The following LONRF3 variants were observed in gnomAD, a reference collection of about 807,000 sequenced individuals.
LONRF3 encodes the protein LON peptidase N-terminal domain and ring finger 3.
Under a neutral mutation model 51.7 loss-of-function variants are expected in LONRF3, and 19 were observed. That is an observed-to-expected ratio of 0.37 (90% CI 0.26 to 0.54). The LOEUF (loss-of-function observed/expected upper bound fraction) is 0.54. Ranked by LOEUF, LONRF3 falls within the 20% of genes least tolerant of loss-of-function variation. The pLI, the probability that LONRF3 is intolerant of heterozygous loss-of-function variation, is 0.86. For synonymous variants in LONRF3, 265 were observed against 257.8 expected (o/e 1.03, Z -0.27); for missense variants, 521 against 623.9 (o/e 0.84, Z 1.76).
intron 3 of LONRF3, among the ~76,000 whole-genome samples, chrX:118,985,298 C>T (rs375533124): frequency 2.5e-4 from 28 of 111,817 alleles, no homozygotes; most frequent in African/African-American, 5.8e-4. Flanking sequence ...GATACTGCCT[C>T]CTCAGAACTG....
At chrX:118,983,610 A>G (rs1250506875) in intron 3 of LONRF3, among the ~76,000 whole-genome samples, 1 of 112,537 alleles carries the variant, frequency 8.9e-6, no homozygotes, top group African/African-American at 3.2e-5. Flanking sequence ...GCCATCTTCA[A>G]TTCATGGACT....
Position 118,989,576 on chromosome X carries a change from T to C in LONRF3, c.1228T>C (p.Ser410Pro), listed in dbSNP as rs1358146052. Residue 410 changes from serine to proline, a missense_variant, in exon 4 of 11, where the codon TCC (serine) becomes CCC (proline). This residue lies in a region of LONRF3 where 376 missense variants were observed against 376.7 expected (regional missense o/e 1.00). Coordinates refer to ENST00000371628, the MANE Select transcript of LONRF3 (RefSeq NM_001031855.3). ...KWDATSPKAA[S>P]SKTGKCQEKK... is the part of the protein sequence containing the mutation. ...GGATGCTACCTCTCCAAAAGCTGCTTCCAGCAAGACTGGAAAATGCCAGGA... is the reference window on the plus strand; with the variant it reads ...GGATGCTACCTCTCCAAAAGCTGCTCCCAGCAAGACTGGAAAATGCCAGGA... The C allele has an allele frequency of 8.3e-7, 1 of 1,211,123 alleles. No individual in the cohort carries two copies. Among genetic ancestry groups the C allele is most frequent in the South Asian group, 1.8e-5 (1 of 56,886 alleles).
intron 5 of LONRF3, among the ~76,000 whole-genome samples, chrX:119,000,879 T>C (rs905227344): frequency 1.0e-5 from 1 of 97,329 alleles, no homozygotes; most frequent in Non-Finnish European, 2.1e-5. Flanking sequence ...CTCTCCCTAT[T>C]TCTCCCTCTC....
chrX:119,015,761 A>C (rs992109891), intron 10 of LONRF3, among the ~76,000 whole-genome samples: 1 of 112,146 alleles, frequency 8.9e-6, no homozygotes, highest in African/African-American at 3.2e-5. Flanking sequence ...CTTTTTTCTT[A>C]GTTCTGTTAT....
At position 118,975,595 on chromosome X, in the gene LONRF3, TG is replaced by T; in HGVS notation, c.817+1del. 3 of 1,158,068 alleles carry T rather than the reference TG, an allele frequency of 2.6e-6. No individual in the cohort carries two copies. The highest frequency in any genetic ancestry group is 3.4e-6 in the Non-Finnish European group (3 of 870,116). ...ALLKYNEAVK[L>X]APNDHLLYSN... ...CTCAAGTACAACGAGGCAGTTAAGT[TG>T]GGTGAGTCCAACGCGCTGCCGGGCC... On this transcript the variant is annotated frameshift_variant and splice_region_variant, in exon 1 of 11. Transcript: ENST00000371628. LOFTEE classifies it high-confidence loss of function.
intron 5 of LONRF3, among the ~76,000 whole-genome samples, chrX:119,005,245 C>G (rs1377528762): frequency 3.6e-5 from 4 of 111,609 alleles, no homozygotes; most frequent in Non-Finnish European, 5.7e-5. Flanking sequence ...AGCCCCACTC[C>G]TCAACGGTCA....
intron 5 of LONRF3, among the ~76,000 whole-genome samples, chrX:118,993,891 A>G (rs780727855): frequency 8.9e-6 from 1 of 112,168 alleles, no homozygotes; most frequent in African/African-American, 3.2e-5. Context: ...AAGCAAAACA[A>G]TTACCAGCCA....
At chrX:118,978,571 A>C in intron 2 of LONRF3, 108 bp downstream of exon 2, 4 of 494,314 alleles carry the variant, frequency 8.1e-6, no homozygotes, top group Non-Finnish European at 1.4e-5. Flanking sequence ...GCAGAACAGG[A>C]AGAAGACTTT....
chrX:118,980,373 A>T (rs2147267442), intron 2 of LONRF3, among the ~76,000 whole-genome samples: 1 of 112,247 alleles, frequency 8.9e-6, no homozygotes, highest in African/African-American at 3.2e-5. Context: ...AATATTTTTA[A>T]ACACTTTATA....
intron 5 of LONRF3, among the ~76,000 whole-genome samples, chrX:118,996,636 A>C (rs1219802359): frequency 9.0e-6 from 1 of 111,525 alleles, no homozygotes; most frequent in African/African-American, 3.3e-5. Flanking sequence ...AAACTACAAA[A>C]CACAGGCCAG....
chrX:119,001,895 T>C (rs1924343344), intron 5 of LONRF3, among the ~76,000 whole-genome samples: 1 of 112,521 alleles, frequency 8.9e-6, no homozygotes, highest in African/African-American at 3.2e-5. Context: ...ATTGCAAAAT[T>C]CTCAGGAAAA....
intron 3 of LONRF3, among the ~76,000 whole-genome samples, chrX:118,983,890 A>C (rs1922756427): frequency 8.9e-6 from 1 of 112,229 alleles, no homozygotes; most frequent in African/African-American, 3.2e-5. Flanking sequence ...TCTGTCTCAC[A>C]AAAGATCTCC....
intron 5 of LONRF3, among the ~76,000 whole-genome samples, chrX:119,002,883 C>G (rs1924430317): frequency 9.0e-6 from 1 of 110,638 alleles, no homozygotes; most frequent in Non-Finnish European, 1.9e-5. Context: ...ACTGCAACCT[C>G]CACCTCCTGG....
chrX:119,006,079 G>T, intron 5 of LONRF3, 42 bp from the exon 6 acceptor site: 1 of 825,189 alleles, frequency 1.2e-6, no homozygotes, highest in Non-Finnish European at 1.8e-6. Flanking sequence ...TTTATTTTTG[G>T]TCTTATTGCA....
At chrX:118,999,961 A>G (rs1359034967) in intron 5 of LONRF3, among the ~76,000 whole-genome samples, 1 of 112,148 alleles carries the variant, frequency 8.9e-6, no homozygotes, top group Non-Finnish European at 1.9e-5. Flanking sequence ...GCCATTGGTC[A>G]GAAGCATGTA....
chrX:118,982,710 G>A, intron 2 of LONRF3, 111 bp from the exon 3 acceptor site: 1 of 993,158 alleles, frequency 1.0e-6, no homozygotes, highest in Non-Finnish European at 1.4e-6. Flanking sequence ...AGATAAGAGA[G>A]TCCTTTTAAA....
At chrX:118,981,417 G>A (rs542056587) in intron 2 of LONRF3, among the ~76,000 whole-genome samples, 2 of 103,927 alleles carry the variant, frequency 1.9e-5, no homozygotes, top group Non-Finnish European at 3.9e-5. Context: ...CCTAGGAGGT[G>A]GAGGTTGTAG....
intron 5 of LONRF3, among the ~76,000 whole-genome samples, chrX:118,991,426 T>C (rs1923420177): frequency 9.0e-6 from 1 of 111,410 alleles, no homozygotes; most frequent in South Asian, 3.8e-4. Flanking sequence ...TGGGCCTGAC[T>C]AGCTTTTGTT....
At position 119,014,250 on chromosome X, in the gene LONRF3, G is replaced by T. The variant is rs1193574629; in HGVS notation, c.2018G>T (p.Cys673Phe). 6.6e-6 allele frequency: 8 copies of T among 1,209,306 alleles called. No homozygotes were observed. The highest frequency in any genetic ancestry group is 9.0e-6 in the Non-Finnish European group (8 of 893,401). The part of the protein sequence containing the change: ...DCAELMGLHN[C>F]VYQQASLWFH... ...GCTGAGCTCATGGGATTACATAACTGTGTCTATCAGCAAGCATCATTGTGG... is the reference window on the plus strand; with the variant it reads ...GCTGAGCTCATGGGATTACATAACTTTGTCTATCAGCAAGCATCATTGTGG... The change falls in exon 10 of 11, where the codon TGT (cysteine) becomes TTT (phenylalanine). Residue 673 changes from cysteine (C) to phenylalanine (F), a missense_variant. By Grantham distance (205) the Cys-to-Phe change is radical. Transcript: ENST00000371628.
Sources: allele counts gnomAD v4.1 joint callset (sites outside exome capture counted in the v4.1 genomes callset), GRCh38; gene constraint gnomAD v4.1.1; regional missense constraint gnomAD v4.1.1; transcripts MANE v1.5; gene names NCBI Gene and HGNC (gene_info 2026-07-23, HGNC 2026-07-21).